GPLD1: variants seen among roughly 807,000 people sequenced by gnomAD.
The protein encoded by GPLD1 is phosphatidylinositol-glycan-specific phospholipase D.
GPLD1 carries 84 observed loss-of-function variants against 112.6 expected under a neutral mutation model. That is an observed-to-expected ratio of 0.75 (90% CI 0.63 to 0.89). The LOEUF is 0.89. GPLD1 is among the 40% of genes least tolerant of loss of function. GPLD1 has a pLI of 0.00. For missense variants in GPLD1, 1,044 were observed against 1,051.5 expected (o/e 0.99, Z 0.10); for synonymous variants, 386 against 403.8 (o/e 0.96, Z 0.53).
chr6:24,440,009 T>G (rs1762695748), intron 20 of GPLD1, among the ~76,000 whole-genome samples: 1 of 152,170 alleles, frequency 6.6e-6, no homozygotes, highest in South Asian at 2.1e-4. Flanking sequence ...CACAAGTGTT[T>G]TACTTCTCAT....
intron 20 of GPLD1, among the ~76,000 whole-genome samples, chr6:24,443,422 C>T (rs1762811773): frequency 6.6e-6 from 1 of 152,034 alleles, no homozygotes; most frequent in African/African-American, 2.4e-5. Context: ...GCACTTGGGG[C>T]GTGACTGCCC....
chr6:24,431,592 T>C (rs75822156), intron 24 of GPLD1, among the ~76,000 whole-genome samples: 17,261 of 150,850 alleles, frequency 0.11, 1,294 homozygotes, highest in East Asian at 0.15. Flanking sequence ...TGGAGTACAG[T>C]GGCACCATCT....
intron 2 of GPLD1, 50 bp downstream of exon 2, chr6:24,486,025 A>G (rs1230723767): frequency 1.8e-6 from 2 of 1,089,454 alleles, no homozygotes; most frequent in Non-Finnish European, 2.8e-6. Flanking sequence ...TTTGGCACCT[A>G]TAAAAGAAAA....
intron 4 of GPLD1, 67 bp from the exon 5 acceptor site, chr6:24,475,298 T>TC: frequency 1.2e-6 from 1 of 827,704 alleles, no homozygotes; most frequent in South Asian, 1.4e-5. Flanking sequence ...CTATTAAAAG[T>TC]TTTAATAAAT....
rs957508232 is a variant in GPLD1, at chr6:24,494,899, C to G, written n.239+68G>C. 20 of 1,204,420 alleles carry G rather than the reference C, an allele frequency of 1.7e-5. No individual in the cohort carries two copies. The African/African-American group carries it at 3.0e-4, about 18-fold the overall frequency. The allele number at this position is 1,204,420 out of a possible 1,614,324, so 74.6% of individuals were successfully genotyped here. A position where few individuals can be genotyped will look rare whatever the true frequency, so the allele number is the denominator to read the frequency against. The stretch of plus-strand genomic sequence containing the variant: ...AGCTCCCACGCTTTCCCCGCGCGTC[C>G]CCGGCGCCTCCTCGCTCCTCTTGCT... On this transcript the variant is annotated intron_variant and non_coding_transcript_variant, in intron 1 of 10. Coordinates refer to the GPLD1 transcript ENST00000474784.
At chr6:24,449,743 C>G (rs1284746823) in intron 15 of GPLD1, 46 bp downstream of exon 15, 1 of 1,347,526 alleles carries the variant, frequency 7.4e-7, no homozygotes, top group Admixed American at 1.8e-5. Context: ...AGAGTCCCCT[C>G]CCTGCCACCC....
chr6:24,424,922 T>TG (rs1426323867), downstream of GPLD1: 2 of 151,704 alleles, frequency 1.3e-5, no homozygotes, highest in Non-Finnish European at 2.9e-5. Context: ...AGAAAACCGA[T>TG]GAAGTACAAG....
intron 22 of GPLD1, 27 bp from the exon 23 acceptor site, chr6:24,433,416 C>A (rs749180185): frequency 6.6e-7 from 1 of 1,523,576 alleles, no homozygotes; most frequent in Non-Finnish European, 9.1e-7. Flanking sequence ...AGGAGAGAGA[C>A]AATGTTATTA....
At chr6:24,447,034 G>A (rs1762932687) in intron 17 of GPLD1, 55 bp from the exon 18 acceptor site, 1 of 1,517,218 alleles carries the variant, frequency 6.6e-7, no homozygotes, top group Non-Finnish European at 9.0e-7. Flanking sequence ...GGACTACTGG[G>A]ATGAAAAGAA....
intron 6 of GPLD1, 142 bp from the exon 7 acceptor site, chr6:24,472,778 G>A: frequency 1.7e-6 from 1 of 579,992 alleles, no homozygotes; most frequent in South Asian, 2.2e-5. Flanking sequence ...GTAAAGGCAT[G>A]CCTTTTTTTT....
At chr6:24,444,885 T>C (rs1762857171) in intron 20 of GPLD1, among the ~76,000 whole-genome samples, 1 of 152,244 alleles carries the variant, frequency 6.6e-6, no homozygotes, top group African/African-American at 2.4e-5. Context: ...ATAGTGGACC[T>C]ATTCCTAGTG....
At chr6:24,438,653 T>A (rs1432593786) in intron 20 of GPLD1, among the ~76,000 whole-genome samples, 2 of 152,202 alleles carry the variant, frequency 1.3e-5, no homozygotes, top group Non-Finnish European at 2.9e-5. Context: ...ATCTGGAGCT[T>A]TCTGATACAG....
intron 12 of GPLD1, 67 bp from the exon 13 acceptor site, chr6:24,456,704 G>A: frequency 9.2e-7 from 1 of 1,092,348 alleles, no homozygotes; most frequent in Non-Finnish European, 1.3e-6. Flanking sequence ...ACTGTTTCCT[G>A]TCCAAAGTAT....
In GPLD1 at chr6:24,445,643, T is replaced by C; in HGVS notation, c.1927-4A>G. 6.2e-7 allele frequency: 1 copy of C among 1,610,958 alleles called. No homozygotes were observed. Among genetic ancestry groups the C allele is most frequent in the Non-Finnish European group, 8.5e-7 (1 of 1,177,156 alleles). On this transcript the variant is annotated splice_polypyrimidine_tract_variant and splice_region_variant and intron_variant, in intron 19 of 24. Transcript: ENST00000230036. Reference sequence around the variant, plus strand: ...AAGTACCCAGTTTCCCCATTGCCTGTGAGACACAATAAATCAATATTGTAT... The same window carrying C: ...AAGTACCCAGTTTCCCCATTGCCTGCGAGACACAATAAATCAATATTGTAT...
At position 24,449,910 on chromosome 6, in the gene GPLD1, A is replaced by G; in HGVS notation, c.1336-11T>C. Reference sequence around the variant, plus strand: ...AAACCGACCTGAGGGCTGAAGAGGCACAAGTTTACTTCCCCTGGGCTGAGC... The same window carrying G: ...AAACCGACCTGAGGGCTGAAGAGGCGCAAGTTTACTTCCCCTGGGCTGAGC... On this transcript the variant is annotated splice_polypyrimidine_tract_variant and intron_variant, in intron 14 of 24. Coordinates refer to ENST00000230036, the MANE Select transcript of GPLD1 (RefSeq NM_001503.4). 1 of 1,592,914 alleles carries G rather than the reference A, an allele frequency of 6.3e-7. No individual in the cohort carries two copies. The highest frequency in any genetic ancestry group is 8.6e-7 in the Non-Finnish European group (1 of 1,162,554).
intron 11 of GPLD1, among the ~76,000 whole-genome samples, chr6:24,460,875 G>A (rs1407136365): frequency 6.6e-6 from 1 of 151,850 alleles, no homozygotes; most frequent in Admixed American, 6.6e-5. Context: ...GAGTAGCCTG[G>A]AACTACAGGC....
chr6:24,488,449 T>C (rs1488220856), intron 1 of GPLD1, among the ~76,000 whole-genome samples: 2 of 151,846 alleles, frequency 1.3e-5, no homozygotes, highest in Non-Finnish European at 2.9e-5. Context: ...ATCAGGTATA[T>C]CTGAAATTAA....
intron 22 of GPLD1, among the ~76,000 whole-genome samples, chr6:24,435,060 G>A (rs1421007457): frequency 7.0e-6 from 1 of 143,628 alleles, no homozygotes; most frequent in African/African-American, 2.6e-5. Flanking sequence ...TGCCCAGGTT[G>A]GAGTGCAGTG....
intron 10 of GPLD1, among the ~76,000 whole-genome samples, chr6:24,465,822 G>T (rs1042753442): frequency 6.6e-6 from 1 of 152,222 alleles, no homozygotes; most frequent in African/African-American, 2.4e-5. Flanking sequence ...TCAACAGAAT[G>T]TTTTACAAAT....
Sources: allele counts gnomAD v4.1 joint callset (sites outside exome capture counted in the v4.1 genomes callset), GRCh38; gene constraint gnomAD v4.1.1; transcripts MANE v1.5; gene names NCBI Gene and HGNC (gene_info 2026-07-23, HGNC 2026-07-21).